The following ADCY1 variants were observed in gnomAD, a reference collection of about 807,000 sequenced individuals.
The protein encoded by ADCY1 is adenylate cyclase type 1.
In ADCY1, 28 loss-of-function variants were observed where a neutral mutation model predicts 105.4. The observed-to-expected ratio is 0.27, with a 90% confidence interval of 0.20 to 0.36. The LOEUF (loss-of-function observed/expected upper bound fraction) is 0.36. Ranked by LOEUF, ADCY1 falls within the 10% of genes least tolerant of loss-of-function variation. The probability of loss-of-function intolerance (pLI) is 1.00; values close to 1 mark genes in which losing one functional copy is unlikely to be tolerated. For synonymous variants in ADCY1, 655 were observed against 623.8 expected (o/e 1.05, Z -0.75); for missense variants, 977 against 1,434.2 (o/e 0.68, Z 5.15).
intron 8 of ADCY1, among the ~76,000 whole-genome samples, chr7:45,675,339 A>C (rs1342183619): frequency 6.6e-6 from 1 of 152,156 alleles, no homozygotes; most frequent in Non-Finnish European, 1.5e-5. Flanking sequence ...TATAACATAA[A>C]TGTCATAAAT....
rs75774464 is a variant in ADCY1, at chr7:45,592,761, C to T, written c.642C>T (p.Leu214=). 59 of 1,614,146 alleles carry T rather than the reference C, an allele frequency of 3.7e-5. No homozygotes were observed. The Admixed American group carries it at 4.8e-4, about 13-fold the overall frequency. The change falls in exon 2 of 20, where the codon CTC becomes CTT. Residue 214 remains leucine, a splice_region_variant and synonymous_variant. Transcript: ENST00000297323. ...PAKRPRLWRT[L]GANALLFVGV... ...GTTGCCTCCTTCTCTCCCTGCAGCTCGGTGCCAATGCCTTGCTCTTCGTCG... is the reference window on the plus strand; with the variant it reads ...GTTGCCTCCTTCTCTCCCTGCAGCTTGGTGCCAATGCCTTGCTCTTCGTCG...
intron 19 of ADCY1, among the ~76,000 whole-genome samples, chr7:45,712,813 A>G (rs1377336359): frequency 2.6e-5 from 4 of 152,162 alleles, no homozygotes; most frequent in African/African-American, 9.7e-5. Flanking sequence ...GACTCATTGC[A>G]TTTAGTAGAA....
rs1019886332 is a variant in ADCY1, at chr7:45,625,794, C to T, written c.1020+3051C>T. ...CTTGGAGACCTTTGGCAGCACAGAACACAGTCACCTCATGAGAAATGGGGA... is the reference window on the plus strand; with the variant it reads ...CTTGGAGACCTTTGGCAGCACAGAATACAGTCACCTCATGAGAAATGGGGA... On this transcript the variant is annotated intron_variant, in intron 4 of 19. Transcript: ENST00000297323. Among the ~76,000 whole-genome samples, 5 of 152,230 alleles carry T rather than the reference C, an allele frequency of 3.3e-5. No homozygotes were observed. In the East Asian group the frequency reaches 9.6e-4, roughly 29 times the overall value.
intron 2 of ADCY1, among the ~76,000 whole-genome samples, chr7:45,601,600 TA>T (rs1204238891): frequency 6.6e-6 from 1 of 152,130 alleles, no homozygotes; most frequent in African/African-American, 2.4e-5. Flanking sequence ...CAATGGCTGG[TA>T]GAGGTGCAGT....
intron 3 of ADCY1, among the ~76,000 whole-genome samples, chr7:45,618,563 A>G (rs771491206): frequency 6.6e-6 from 1 of 152,226 alleles, no homozygotes; most frequent in Non-Finnish European, 1.5e-5. Context: ...AAGCATCTGA[A>G]TAGGCATTTC....
At chr7:45,664,423 G>T (rs1392102355) in intron 8 of ADCY1, 2 of 1,535,422 alleles carry the variant, frequency 1.3e-6, no homozygotes. Flanking sequence ...GCAAGGATGA[G>T]CTCCTGCCAT....
At position 45,686,084 on chromosome 7, in the gene ADCY1, C is replaced by T; in HGVS notation, c.2196C>T (p.Leu732=). 2 of 1,614,176 alleles carry T rather than the reference C, an allele frequency of 1.2e-6. No individual in the cohort carries two copies. Among genetic ancestry groups the T allele is most frequent in the Non-Finnish European group, 8.5e-7 (1 of 1,180,020 alleles). Residue 732 remains leucine (L), a synonymous_variant, in exon 13 of 20, where the codon CTC becomes CTT. Transcript: ENST00000297323. The surrounding 1 kb of genome is among the most constrained non-coding windows in gnomAD (Gnocchi z 4.3). ...LPCESTHHAL[L]CCLVGTLPLA... Reference sequence around the variant, plus strand: ...GCGAGTCTACACACCATGCCCTGCTCTGCTGCCTGGTGGGCACCCTCCCGC... The same window carrying T: ...GCGAGTCTACACACCATGCCCTGCTTTGCTGCCTGGTGGGCACCCTCCCGC...
chr7:45,585,994 G>T (rs920557726), intron 1 of ADCY1, among the ~76,000 whole-genome samples: 2 of 152,276 alleles, frequency 1.3e-5, no homozygotes, highest in South Asian at 2.1e-4. Flanking sequence ...GTTGAGACAC[G>T]TGGGGAGCGG....
At position 45,704,577 on chromosome 7, in the gene ADCY1, C is replaced by T. The variant is rs367673571; in HGVS notation, c.2778C>T (p.Tyr926=). The change falls in exon 17 of 20, where the codon TAC becomes TAT. Residue 926 remains tyrosine, a synonymous_variant. Transcript: ENST00000297323. ...IEKIKTIGST[Y]MAAVGLAPTS... ...AGATCAAGACCATCGGGAGCACCTA[C>T]ATGGCCGCTGTGGGGCTAGCGCCCA... 8 of 1,614,118 alleles carry T rather than the reference C, an allele frequency of 5.0e-6. No homozygotes were observed. The highest frequency in any genetic ancestry group is 4.0e-5 in the African/African-American group (3 of 74,960).
chr7:45,628,994 T>G (rs1794148800), intron 4 of ADCY1, among the ~76,000 whole-genome samples: 1 of 152,190 alleles, frequency 6.6e-6, no homozygotes, highest in South Asian at 2.1e-4. Context: ...TGTGTACGGT[T>G]CTGTTCATTT....
Position 45,710,331 on chromosome 7 carries a change from C to T in ADCY1, c.2933-197C>T, listed in dbSNP as rs534129876. Among the ~76,000 whole-genome samples the T allele has an allele frequency of 3.3e-5, 5 of 152,282 alleles. No homozygotes were observed. In the East Asian group the frequency reaches 7.7e-4, roughly 24 times the overall value. Reference sequence around the variant, plus strand: ...GAGACCCTGCCCAGGGGAGCCCGTGCAGCAGGGCAGCTGCCTCTCTGGTGC... The same window carrying T: ...GAGACCCTGCCCAGGGGAGCCCGTGTAGCAGGGCAGCTGCCTCTCTGGTGC... On this transcript the variant is annotated intron_variant, in intron 18 of 19. Transcript: ENST00000297323. The surrounding 1 kb of genome is among the most constrained non-coding windows in gnomAD (Gnocchi z 4.7).
At chr7:45,626,062 G>T (rs1019038610) in intron 4 of ADCY1, among the ~76,000 whole-genome samples, 5 of 152,204 alleles carry the variant, frequency 3.3e-5, no homozygotes, top group East Asian at 1.9e-4. Context: ...CTAATGCGAG[G>T]CTCTCTGCCT....
In ADCY1 at chr7:45,647,913, G is replaced by A. The variant is rs1185023841; in HGVS notation, c.1021-757G>A. ...TCCTTAGTGATTTCAAGACATAAAG[G>A]GGTCCTGAAATGGAAATGTTTTAGA... On this transcript the variant is annotated intron_variant, in intron 4 of 19. Transcript: ENST00000297323. This position sits in a 1 kb window ranked among gnomAD's most constrained non-coding sequence, Gnocchi z 4.6. Among the ~76,000 whole-genome samples, 2 of 152,146 alleles carry A rather than the reference G, an allele frequency of 1.3e-5. No homozygotes were observed. The highest frequency in any genetic ancestry group is 2.4e-5 in the African/African-American group (1 of 41,432).
chr7:45,657,710 C>G lies in ADCY1; in HGVS notation c.1149-17C>G. The G allele has an allele frequency of 1.2e-6, 2 of 1,610,722 alleles. No homozygotes were observed. Among genetic ancestry groups the G allele is most frequent in the Non-Finnish European group, 1.7e-6 (2 of 1,178,520 alleles). On this transcript the variant is annotated splice_polypyrimidine_tract_variant and intron_variant, in intron 5 of 19. Coordinates refer to ENST00000297323, the MANE Select transcript of ADCY1 (RefSeq NM_021116.4). ...ACAAGGTGGGCCCTAGCCCCACGCT[C>G]TGTGTCTGTGTTGCAGATCTGTGGC... is the stretch of plus-strand genomic sequence containing the variant.
At chr7:45,664,442 ATC>A in intron 8 of ADCY1, 1 of 1,533,374 alleles carries the variant, frequency 6.5e-7, no homozygotes, top group East Asian at 2.4e-5. Flanking sequence ...ATCAGCCCTT[ATC>A]CCCCAGGGCA....
At chr7:45,578,263 T>G (rs568403788) in intron 1 of ADCY1, among the ~76,000 whole-genome samples, 3 of 152,260 alleles carry the variant, frequency 2.0e-5, no homozygotes, top group Non-Finnish European at 4.4e-5. Flanking sequence ...GAGAGGTCTT[T>G]AGGGGAAACA....
chr7:45,632,360 G>T (rs1772819589), intron 4 of ADCY1, among the ~76,000 whole-genome samples: 1 of 152,156 alleles, frequency 6.6e-6, no homozygotes, highest in South Asian at 2.1e-4. Context: ...CTGTAACAAA[G>T]GCTGGTGGAA....
chr7:45,722,031 A>T lies in ADCY1; in HGVS notation c.*8036A>T, dbSNP rs1785484113. On this transcript the variant is annotated 3_prime_UTR_variant, in exon 20 of 20. Coordinates refer to ENST00000297323, the MANE Select transcript of ADCY1 (RefSeq NM_021116.4). The stretch of plus-strand genomic sequence containing the variant: ...GGGCATCCACCTCCCAGGTGAGGGC[A>T]GTGGGAAGCTGGCCCGACGGCAGCC... 1 of 391,538 alleles carries T rather than the reference A, an allele frequency of 2.6e-6. No individual in the cohort carries two copies. Among genetic ancestry groups the T allele is most frequent in the South Asian group, 1.4e-4 (1 of 6,948 alleles). The allele number at this position is 391,538 out of a possible 1,614,324, so 24.3% of individuals were successfully genotyped here. A position where few individuals can be genotyped will look rare whatever the true frequency, so the allele number is the denominator to read the frequency against.
chr7:45,652,695 G>C (rs1172181116), intron 5 of ADCY1, among the ~76,000 whole-genome samples: 2 of 152,244 alleles, frequency 1.3e-5, no homozygotes, highest in Non-Finnish European at 2.9e-5. Flanking sequence ...TCAAATGCCT[G>C]TGGGCCTAGT....
Sources: gnomAD v4.1 joint callset for allele counts (sites outside exome capture counted in the v4.1 genomes callset) on GRCh38, gnomAD v4.1.1 for gene constraint, Gnocchi (gnomAD v3.1) non-coding constraint, MANE v1.5 for transcripts, NCBI Gene and HGNC (gene_info 2026-07-23, HGNC 2026-07-21) for gene names.